The following AGK variants were observed in gnomAD, a reference collection of about 807,000 sequenced individuals.
The protein encoded by AGK is acylglycerol kinase, mitochondrial.
In AGK, 52 loss-of-function variants were observed where a neutral mutation model predicts 66.4. The ratio of observed to expected loss-of-function variants is 0.78; its 90% CI spans 0.63 to 0.99. The LOEUF (loss-of-function observed/expected upper bound fraction) is 0.99. Ranked by LOEUF, AGK falls within the 50% of genes least tolerant of loss-of-function variation. AGK has a pLI of 0.00. For missense variants in AGK, 451 were observed against 506.6 expected (o/e 0.89, Z 1.05); for synonymous variants, 182 against 181.1 (o/e 1.00, Z -0.04).
intron 2 of AGK, among the ~76,000 whole-genome samples, chr7:141,556,177 G>A (rs1795206534): frequency 6.6e-6 from 1 of 152,160 alleles, no homozygotes. Flanking sequence ...GCATTCTTTT[G>A]AGTTTCTGAT....
intron 10 of AGK, among the ~76,000 whole-genome samples, chr7:141,636,418 T>G (rs1436482374): frequency 6.6e-6 from 1 of 152,156 alleles, no homozygotes; most frequent in Non-Finnish European, 1.5e-5. Context: ...GAAAAAAATA[T>G]TCCACAAAAT....
chr7:141,612,568 T>C (rs1587127725), intron 6 of AGK, among the ~76,000 whole-genome samples: 1 of 152,070 alleles, frequency 6.6e-6, no homozygotes, highest in East Asian at 1.9e-4. Context: ...TGTAGGTCCA[T>C]CAGTTGTAAC....
chr7:141,582,746 T>TG (rs1795907939), intron 2 of AGK, among the ~76,000 whole-genome samples: 1 of 151,840 alleles, frequency 6.6e-6, no homozygotes, highest in Admixed American at 6.5e-5. Context: ...GCTGGGCAGA[T>TG]GGGGGAGAGC....
chr7:141,652,870 G>C lies in AGK; in HGVS notation c.1215G>C (p.Gln405His). The C allele has an allele frequency of 6.2e-7, 1 of 1,614,136 alleles. No homozygotes were observed. The highest frequency in any genetic ancestry group is 1.1e-5 in the South Asian group (1 of 91,084). The part of the protein sequence containing the change: ...VEVKLLPRKL[Q>H]FFCDPRKREQ... ...TGAAACTGCTCCCCAGGAAGCTGCA[G>C]TTCTTCTGTGATCCTAGGAAGAGAG... The change falls in exon 16 of 16, where the codon CAG becomes CAC. Residue 405 changes from glutamine (Q) to histidine (H), a missense_variant. By Grantham distance (24) the Gln-to-His change is conservative. Coordinates refer to ENST00000649286, the MANE Select transcript of AGK (RefSeq NM_018238.4).
chr7:141,589,270 T>C (rs1315437620), intron 2 of AGK, among the ~76,000 whole-genome samples: 1 of 152,204 alleles, frequency 6.6e-6, no homozygotes, highest in Non-Finnish European at 1.5e-5. Flanking sequence ...CCTTGCAAGG[T>C]TGTTACAAAG....
At chr7:141,646,065 G>A (rs1003676894) in intron 13 of AGK, among the ~76,000 whole-genome samples, 16 of 152,086 alleles carry the variant, frequency 1.1e-4, no homozygotes, top group African/African-American at 2.4e-4. Context: ...CACAGCCTGC[G>A]GAGAGGGAGC....
intron 5 of AGK, among the ~76,000 whole-genome samples, chr7:141,608,287 CT>C (rs1796506747): frequency 6.6e-6 from 1 of 152,150 alleles, no homozygotes; most frequent in African/African-American, 2.4e-5. Flanking sequence ...TGTTATTTTA[CT>C]GCAGATGGTC....
chr7:141,575,257 G>A (rs1795709580), intron 2 of AGK, among the ~76,000 whole-genome samples: 1 of 152,178 alleles, frequency 6.6e-6, no homozygotes, highest in Non-Finnish European at 1.5e-5. Context: ...TTGAGAAGCA[G>A]GAGACTTCAG....
chr7:141,595,620 C>T (rs1796211069), intron 3 of AGK, among the ~76,000 whole-genome samples: 1 of 152,066 alleles, frequency 6.6e-6, no homozygotes, highest in Non-Finnish European at 1.5e-5. Flanking sequence ...TTTGTACTTC[C>T]ATACTAGAAT....
intron 5 of AGK, among the ~76,000 whole-genome samples, chr7:141,605,252 C>T (rs1187630473): frequency 1.3e-5 from 2 of 152,300 alleles, no homozygotes; most frequent in Non-Finnish European, 2.9e-5. Flanking sequence ...TTTCAGAACA[C>T]GAAAGTTTCT....
chr7:141,560,231 T>G (rs1379827084), intron 2 of AGK, among the ~76,000 whole-genome samples: 1 of 152,000 alleles, frequency 6.6e-6, no homozygotes, highest in African/African-American at 2.4e-5. Flanking sequence ...TAAATGACCT[T>G]TATTATGCTG....
intron 9 of AGK, among the ~76,000 whole-genome samples, chr7:141,625,131 C>A (rs1346620335): frequency 6.6e-6 from 1 of 152,000 alleles, no homozygotes; most frequent in African/African-American, 2.4e-5. Context: ...AAGGTGCATA[C>A]TTTTTTTGAC....
intron 2 of AGK, among the ~76,000 whole-genome samples, chr7:141,578,697 A>G (rs1186082313): frequency 6.6e-6 from 1 of 151,808 alleles, no homozygotes; most frequent in Non-Finnish European, 1.5e-5. Context: ...TAGAAGGAGC[A>G]TTTGTCGTAT....
Position 141,598,779 on chromosome 7 carries a change from T to C in AGK, c.221+2138T>C, listed in dbSNP as rs1348169518. 6.6e-6 allele frequency among the ~76,000 whole-genome samples: 1 copy of C among 152,180 alleles called. No individual in the cohort carries two copies. Among genetic ancestry groups the C allele is most frequent in the Non-Finnish European group, 1.5e-5 (1 of 68,034 alleles). ...CTTCAGTGTAACTCTTCTATTCCTT[T>C]AGAGACCTAATAAATTAACAACCTG... is the stretch of plus-strand genomic sequence containing the variant. On this transcript the variant is annotated intron_variant, in intron 4 of 15. Coordinates refer to ENST00000649286, the MANE Select transcript of AGK (RefSeq NM_018238.4). This position sits in a 1 kb window ranked among gnomAD's most constrained non-coding sequence, Gnocchi z 4.2.
intron 9 of AGK, among the ~76,000 whole-genome samples, chr7:141,631,475 T>TAAAA: frequency 6.6e-6 from 1 of 152,212 alleles, no homozygotes; most frequent in Non-Finnish European, 1.5e-5. Context: ...CACTTATACT[T>TAAAA]TGATAAAATC....
chr7:141,611,637 A>G (rs988140017), intron 6 of AGK, among the ~76,000 whole-genome samples: 1 of 152,192 alleles, frequency 6.6e-6, no homozygotes, highest in African/African-American at 2.4e-5. Flanking sequence ...GTTTCCATCA[A>G]CAGGTATGTT....
At chr7:141,576,055 A>G (rs1424652415) in intron 2 of AGK, among the ~76,000 whole-genome samples, 2 of 152,160 alleles carry the variant, frequency 1.3e-5, no homozygotes, top group Admixed American at 1.3e-4. Context: ...TGGAACAAAA[A>G]TGCTCTTGGC....
chr7:141,586,866 C>G (rs1796004256), intron 2 of AGK, among the ~76,000 whole-genome samples: 2 of 152,178 alleles, frequency 1.3e-5, no homozygotes, highest in African/African-American at 4.8e-5. Flanking sequence ...TATTCTCTGT[C>G]AACTGTCCAT....
rs1052193078 is a variant in AGK, at chr7:141,654,331, G to T, written c.*1407G>T. 6.6e-6 allele frequency: 1 copy of T among 152,128 alleles called. No homozygotes were observed. The highest frequency in any genetic ancestry group is 1.5e-5 in the Non-Finnish European group (1 of 68,020). 9.4% of individuals were successfully genotyped at this position (152,128 alleles called of 1,614,324 possible). On this transcript the variant is annotated 3_prime_UTR_variant, in exon 16 of 16. Coordinates refer to ENST00000649286, the MANE Select transcript of AGK (RefSeq NM_018238.4). ...GAATGTGATTTACAGCTGAGATGGG[G>T]TTCAACCTCAGCTGTATTCCTTGTT...
Sources: allele counts gnomAD v4.1 joint callset (sites outside exome capture counted in the v4.1 genomes callset), GRCh38; gene constraint gnomAD v4.1.1; non-coding constraint Gnocchi (gnomAD v3.1); transcripts MANE v1.5; gene names NCBI Gene and HGNC (gene_info 2026-07-23, HGNC 2026-07-21).